Variants in ZNF33B observed in about 807,000 individuals in gnomAD.
ZNF33B encodes the protein zinc finger protein 33B, also known as zinc finger protein 11b (KOX 2).
ZNF33B carries 29 observed loss-of-function variants against 45.8 expected under a neutral mutation model. The ratio of observed to expected loss-of-function variants is 0.63; its 90% confidence interval spans 0.47 to 0.86. The LOEUF is 0.86. Ranked by LOEUF, ZNF33B falls within the 40% of genes least tolerant of loss-of-function variation. The pLI is 0.00. For missense variants in ZNF33B, 831 were observed against 909.9 expected, an observed-to-expected ratio of 0.91 and a Z score of 1.12; for synonymous variants, 305 against 307.8, an observed-to-expected ratio of 0.99 and a Z score of 0.10.
At chr10:42,627,602 G>A (rs956967324) in intron 4 of ZNF33B, among the ~76,000 whole-genome samples, 1 of 152,006 alleles carries the variant, frequency 6.6e-6, no homozygotes, top group African/African-American at 2.4e-5. Flanking sequence ...AGTTTCTTAA[G>A]GTAGAAAGTC....
At chr10:42,594,889 C>T (rs1837333698) in intron 4 of ZNF33B, among the ~76,000 whole-genome samples, 190 bp from the exon 5 acceptor site, 1 of 151,902 alleles carries the variant, frequency 6.6e-6, no homozygotes, top group Non-Finnish European at 1.5e-5. Flanking sequence ...AAACAAAAAC[C>T]AGAAACAAAA....
Position 42,580,863 on chromosome 10 carries a change from C to T in ZNF33B, c.74-6185G>A, listed in dbSNP as rs150600180. On this transcript the variant is annotated intron_variant, in intron 1 of 1. Transcript: ENST00000462075. ...GAGCTAAGATCGCGCCACTGCACTC[C>T]AGCCTGGGTAACAGAGCGAGACTGT... Among the ~76,000 whole-genome samples the T allele has an allele frequency of 4.0e-3, 603 of 151,758 alleles. 5 individuals are homozygous for T. Among genetic ancestry groups the T allele is most frequent in the African/African-American group, 0.013 (553 of 41,400 alleles).
Position 42,601,468 on chromosome 10 carries a change from GTTTTTTTTTTTTT to G in ZNF33B, c.251-6782_251-6770del, listed in dbSNP as rs57196690. Among the ~76,000 whole-genome samples, 17 of 79,472 alleles carry G rather than the reference GTTTTTTTTTTTTT, an allele frequency of 2.1e-4. No homozygotes were observed. The Admixed American group carries it at 2.8e-3, about 13-fold the overall frequency. 52.1% of individuals were successfully genotyped at this position (79,472 alleles called of 152,430 possible). ...GTTCTCCTAAAGCTCACATGGGCTTGTTTTTTTTTTTTTTTTTTTTTTTTTGAGACACAGTCTC... is the reference window on the plus strand; with the variant it reads ...GTTCTCCTAAAGCTCACATGGGCTTGTTTTTTTTTTTTGAGACACAGTCTC... On this transcript the variant is annotated intron_variant, in intron 4 of 4. Transcript: ENST00000359467.
At chr10:42,621,068 G>C (rs1239160244) in intron 4 of ZNF33B, among the ~76,000 whole-genome samples, 1 of 151,368 alleles carries the variant, frequency 6.6e-6, no homozygotes, top group Admixed American at 6.6e-5. Context: ...GATAGCACCT[G>C]TAATCCCAGA....
intron 4 of ZNF33B, among the ~76,000 whole-genome samples, chr10:42,599,641 G>A (rs1837542768): frequency 6.6e-6 from 1 of 151,752 alleles, no homozygotes; most frequent in African/African-American, 2.4e-5. Flanking sequence ...TTTACATATG[G>A]TGGATATATA....
In ZNF33B at chr10:42,610,042, G is replaced by C. The variant is rs145927962; in HGVS notation, c.251-15343C>G. Among the ~76,000 whole-genome samples, 681 of 152,004 alleles carry C rather than the reference G, an allele frequency of 4.5e-3. 7 individuals carry two copies. Among genetic ancestry groups the C allele is most frequent in the Non-Finnish European group, 7.1e-3 (481 of 67,998 alleles). ...CTTGCCAGTTACACATCACACAGCA[G>C]ATTGTAGTCAACACAAGCAAGGGGA... is the stretch of plus-strand genomic sequence containing the variant. On this transcript the variant is annotated intron_variant, in intron 4 of 4. Coordinates refer to ENST00000359467, the MANE Select transcript of ZNF33B (RefSeq NM_006955.3).
At position 42,631,962 on chromosome 10, in the gene ZNF33B, G is replaced by A. The variant is rs137877454; in HGVS notation, c.217C>T (p.Leu73=). ...RLEQGEEPWR[L]EEEFPSQSFP... is the part of the protein sequence containing the mutation. ...CTCTGGCTTGGGAATTCTTCCTCCA[G>A]TCTCCATGGTTCTTCTCCTTGTTCC... Residue 73 remains leucine (L), a synonymous_variant, in exon 4 of 5, where the codon CTG becomes TTG. Coordinates refer to ENST00000359467, the MANE Select transcript of ZNF33B (RefSeq NM_006955.3). The A allele has an allele frequency of 3.7e-6, 6 of 1,614,022 alleles. No homozygotes were observed. In the Admixed American group the frequency reaches 8.3e-5, roughly 22 times the overall value.
chr10:42,628,368 G>A (rs1189654910), intron 4 of ZNF33B, among the ~76,000 whole-genome samples: 3 of 152,304 alleles, frequency 2.0e-5, no homozygotes, highest in Admixed American at 1.3e-4. Flanking sequence ...TGATGTTGCT[G>A]TCCTGTTCTT....
In ZNF33B at chr10:42,593,094, C is replaced by A. The variant is rs1564495999; in HGVS notation, c.1856G>T (p.Cys619Phe). ...ATGCTGAGTGAGTTGTGACTTCTGG[C>A]AGAAGGTTTTTCCACATTCATTACA... ...YECNECGKTF[C>F]QKSQLTQHQR... Residue 619 changes from cysteine (C) to phenylalanine (F), a missense_variant, in exon 5 of 5, where the codon TGC becomes TTC. Physicochemically the swap from Cys to Phe is radical, Grantham distance 205. Coordinates refer to ENST00000359467, the MANE Select transcript of ZNF33B (RefSeq NM_006955.3). 1 of 1,613,858 alleles carries A rather than the reference C, an allele frequency of 6.2e-7. No homozygotes were observed. Among genetic ancestry groups the A allele is most frequent in the Non-Finnish European group, 8.5e-7 (1 of 1,179,948 alleles).
intron 4 of ZNF33B, among the ~76,000 whole-genome samples, chr10:42,623,342 G>A (rs1316097271): frequency 1.3e-5 from 2 of 152,130 alleles, no homozygotes; most frequent in African/African-American, 4.8e-5. Context: ...AATACACTTT[G>A]ATAAAACAAT....
chr10:42,593,763 T>C lies in ZNF33B; in HGVS notation c.1187A>G (p.His396Arg), dbSNP rs145780960. 57 of 1,613,954 alleles carry C rather than the reference T, an allele frequency of 3.5e-5. 1 individual carries two copies. The African/African-American group carries it at 6.0e-4, about 17-fold the overall frequency. The change falls in exon 5 of 5, where the codon CAT becomes CGT. Residue 396 changes from histidine to arginine, a missense_variant. Coordinates refer to ENST00000359467, the MANE Select transcript of ZNF33B (RefSeq NM_006955.3). ...ECNECGKAFS[H>R]KSALTLHQRT... ...CTGGTGTAATGTGAGGGCTGACTTA[T>C]GGCTAAAGGCTTTCCCACATTCATT... is the stretch of plus-strand genomic sequence containing the variant.
chr10:42,619,321 G>A (rs142799830), intron 4 of ZNF33B, among the ~76,000 whole-genome samples: 3 of 152,098 alleles, frequency 2.0e-5, no homozygotes, highest in African/African-American at 7.2e-5. Context: ...ATCAATTGAA[G>A]GCCTGAAGAC....
At chr10:42,619,688 G>C (rs1838486385) in intron 4 of ZNF33B, among the ~76,000 whole-genome samples, 1 of 152,086 alleles carries the variant, frequency 6.6e-6, no homozygotes, top group Admixed American at 6.6e-5. Flanking sequence ...TACATTATGG[G>C]CACACAATGT....
chr10:42,583,227 A>T (rs951079603), intron 1 of ZNF33B: 2 of 673,206 alleles, frequency 3.0e-6, no homozygotes, highest in Non-Finnish European at 5.5e-6. Flanking sequence ...TTCCTACAGA[A>T]TGCTTAACCA....
intron 4 of ZNF33B, among the ~76,000 whole-genome samples, chr10:42,617,510 A>G (rs1278667117): frequency 6.6e-6 from 1 of 152,216 alleles, no homozygotes; most frequent in Non-Finnish European, 1.5e-5. Context: ...ACTACAGTCC[A>G]ATATCAACCA....
chr10:42,601,880 G>A (rs114307442), intron 4 of ZNF33B, among the ~76,000 whole-genome samples: 2,443 of 147,604 alleles, frequency 0.017, 45 homozygotes, highest in African/African-American at 0.05. Context: ...TCTTTGAACT[G>A]CCATTAATTC....
chr10:42,602,660 A>G (rs1837677058), intron 4 of ZNF33B, among the ~76,000 whole-genome samples: 1 of 152,272 alleles, frequency 6.6e-6, no homozygotes, highest in East Asian at 1.9e-4. Flanking sequence ...GCAAATCTGG[A>G]GCAGTGCTCA....
chr10:42,585,167 T>C (rs1008493299), downstream of ZNF33B, among the ~76,000 whole-genome samples: 3 of 152,212 alleles, frequency 2.0e-5, no homozygotes, highest in Non-Finnish European at 4.4e-5. Flanking sequence ...ACCACTTTAG[T>C]CTCTGGCCTC....
chr10:42,605,366 T>C (rs1446125929), intron 4 of ZNF33B: 1 of 151,668 alleles, frequency 6.6e-6, no homozygotes, highest in Non-Finnish European at 1.5e-5. Context: ...ATGAAGGGAA[T>C]GTCCTAAGAT....
Sources: gnomAD v4.1 joint callset for allele counts (sites outside exome capture counted in the v4.1 genomes callset) on GRCh38, gnomAD v4.1.1 for gene constraint, MANE v1.5 for transcripts, NCBI Gene and HGNC (gene_info 2026-07-23, HGNC 2026-07-21) for gene names.